NRXN3: variants seen among roughly 807,000 people sequenced by gnomAD.
NRXN3 encodes the protein neurexin 3, also known as neurexin III.
In NRXN3, 32 loss-of-function variants were observed where a neutral mutation model predicts 137.6. The observed-to-expected ratio is 0.23, with a 90% CI of 0.18 to 0.31. The LOEUF is 0.31. Among genes scored for constraint, NRXN3 ranks in the 10% least tolerant of loss-of-function variants. The pLI is 1.00. For missense variants in NRXN3, 1,574 were observed against 2,062.5 expected (o/e 0.76, Z 4.59); for synonymous variants, 798 against 784.5 (o/e 1.02, Z -0.29).
At chr14:78,416,972 T>G (rs534166032) in intron 4 of NRXN3, among the ~76,000 whole-genome samples, 11 of 152,244 alleles carry the variant, frequency 7.2e-5, no homozygotes, top group Non-Finnish European at 1.3e-4. Context: ...ATATAAGGAC[T>G]GGACAGAAAT....
At chr14:79,686,060 G>A (rs1247461102) in intron 17 of NRXN3, among the ~76,000 whole-genome samples, 3 of 151,960 alleles carry the variant, frequency 2.0e-5, no homozygotes, top group Admixed American at 6.6e-5. Flanking sequence ...TTGGGAGGTC[G>A]AGGCGGGTGG....
intron 8 of NRXN3, among the ~76,000 whole-genome samples, chr14:78,723,057 T>A (rs1373630722): frequency 6.6e-6 from 1 of 152,052 alleles, no homozygotes; most frequent in African/African-American, 2.4e-5. Context: ...GAGGGGAAGT[T>A]TTCGAAGATG....
At chr14:78,294,628 A>G (rs1352918390) in intron 3 of NRXN3, among the ~76,000 whole-genome samples, 1 of 152,060 alleles carries the variant, frequency 6.6e-6, no homozygotes, top group African/African-American at 2.4e-5. Flanking sequence ...TAATCCTCAA[A>G]GTAACTTTTG....
intron 15 of NRXN3, among the ~76,000 whole-genome samples, chr14:79,288,116 C>T (rs1049328546): frequency 7.2e-5 from 11 of 152,222 alleles, no homozygotes; most frequent in African/African-American, 2.2e-4. Flanking sequence ...ATCATAATAA[C>T]TTATGCCAAA....
chr14:79,416,182 G>A (rs2095494182), intron 15 of NRXN3, among the ~76,000 whole-genome samples: 1 of 152,134 alleles, frequency 6.6e-6, no homozygotes, highest in African/African-American at 2.4e-5. Flanking sequence ...AGGAGTCACA[G>A]AATCTTTTTA....
intron 8 of NRXN3, among the ~76,000 whole-genome samples, chr14:78,773,384 G>A (rs1016189354): frequency 3.3e-5 from 5 of 152,064 alleles, no homozygotes; most frequent in African/African-American, 1.2e-4. Context: ...GGCATAAGAA[G>A]GAAAGCATGG....
intron 4 of NRXN3, among the ~76,000 whole-genome samples, chr14:78,504,396 C>T (rs888664672): frequency 1.3e-5 from 2 of 152,170 alleles, no homozygotes; most frequent in Admixed American, 1.3e-4. Context: ...TGAAGGATGA[C>T]TTGTTCTCTA....
chr14:78,845,905 GGTGT>G (rs3034390), intron 10 of NRXN3, among the ~76,000 whole-genome samples: 2,362 of 146,308 alleles, frequency 0.016, 40 homozygotes, highest in African/African-American at 0.041. Flanking sequence ...AGTATGTTGG[GGTGT>G]GTGTGTGTGT....
chr14:78,424,814 A>G (rs1447957824), intron 4 of NRXN3, among the ~76,000 whole-genome samples: 1 of 152,228 alleles, frequency 6.6e-6, no homozygotes, highest in East Asian at 1.9e-4. Flanking sequence ...CCATATCATC[A>G]TTATACATGG....
intron 4 of NRXN3, among the ~76,000 whole-genome samples, chr14:78,328,514 C>T (rs1328117402): frequency 6.6e-6 from 1 of 152,104 alleles, no homozygotes; most frequent in Non-Finnish European, 1.5e-5. Context: ...GAGCTTGTCT[C>T]TGGGAAATAA....
intron 15 of NRXN3, among the ~76,000 whole-genome samples, chr14:79,130,124 C>A (rs560423987): frequency 6.6e-5 from 10 of 150,864 alleles, no homozygotes; most frequent in South Asian, 4.2e-4. Context: ...GGTCTTGACT[C>A]TTTATCCAAT....
intron 16 of NRXN3, among the ~76,000 whole-genome samples, chr14:79,600,242 T>C (rs552118758): frequency 1.3e-5 from 2 of 152,344 alleles, no homozygotes; most frequent in Admixed American, 1.3e-4. Flanking sequence ...TTTTATGTTC[T>C]TTCCTGTTTT....
At chr14:78,836,662 A>G (rs754287742) in intron 10 of NRXN3, among the ~76,000 whole-genome samples, 1 of 152,322 alleles carries the variant, frequency 6.6e-6, no homozygotes, top group Middle Eastern at 3.4e-3. Context: ...TGTGTCCTCC[A>G]TGATAGTTTA....
chr14:78,934,742 T>G (rs1015620666), intron 10 of NRXN3, among the ~76,000 whole-genome samples: 1 of 151,364 alleles, frequency 6.6e-6, no homozygotes, highest in Non-Finnish European at 1.5e-5. Context: ...TTCTCACTCA[T>G]AGGTGGGAAT....
chr14:79,560,706 T>G (rs1050276873), intron 16 of NRXN3, among the ~76,000 whole-genome samples: 2 of 151,552 alleles, frequency 1.3e-5, no homozygotes, highest in Admixed American at 1.3e-4. Context: ...GCCTGGCTAA[T>G]TTTTTTGTAT....
chr14:78,579,554 A>G (rs1370905457), intron 4 of NRXN3, among the ~76,000 whole-genome samples: 1 of 151,344 alleles, frequency 6.6e-6, no homozygotes, highest in Non-Finnish European at 1.5e-5. Context: ...AAAAAAATAG[A>G]GCCAAAGTGT....
At chr14:78,625,086 C>T (rs1244268093) in intron 4 of NRXN3, among the ~76,000 whole-genome samples, 4 of 152,156 alleles carry the variant, frequency 2.6e-5, no homozygotes, top group Admixed American at 6.5e-5. Flanking sequence ...AAGATCCACC[C>T]GCCTTGGCCT....
intron 10 of NRXN3, among the ~76,000 whole-genome samples, chr14:78,890,609 T>C (rs2099156257): frequency 6.6e-6 from 1 of 151,840 alleles, no homozygotes; most frequent in African/African-American, 2.4e-5. Flanking sequence ...GCCTCTTCTT[T>C]TCTTATCTAG....
intron 15 of NRXN3, among the ~76,000 whole-genome samples, chr14:79,021,903 G>A (rs1354894575): frequency 1.3e-5 from 2 of 152,166 alleles, no homozygotes; most frequent in African/African-American, 4.8e-5. Context: ...CCAAGTTGTG[G>A]CATAGTGTTG....
Sources: allele counts gnomAD v4.1 joint callset (sites outside exome capture counted in the v4.1 genomes callset), GRCh38; gene constraint gnomAD v4.1.1; transcripts MANE v1.5; gene names NCBI Gene and HGNC (gene_info 2026-07-23, HGNC 2026-07-21).